LRIF1: variants seen among roughly 807,000 people sequenced by gnomAD.
The protein encoded by LRIF1 is ligand dependent nuclear receptor interacting factor 1.
Under a neutral mutation model 52.7 loss-of-function variants are expected in LRIF1, and 32 were observed. That is an observed-to-expected ratio of 0.61 (90% confidence interval 0.46 to 0.82). LRIF1 has a LOEUF of 0.82. LRIF1 is among the 40% of genes least tolerant of loss of function. LRIF1 has a pLI of 0.00. For synonymous variants in LRIF1, 323 were observed against 317.4 expected (o/e 1.02, Z -0.19); for missense variants, 887 against 892.0 (o/e 0.99, Z 0.07).
the LRIF1 span, among the ~76,000 whole-genome samples, chr1:110,933,482 C>T: frequency 6.6e-6 from 1 of 152,142 alleles, no homozygotes. Context: ...TCCCCAAACC[C>T]CCCAACAGCA....
At chr1:110,899,400 G>A in the LRIF1 span, 7 of 497,622 alleles carry the variant, frequency 1.4e-5, no homozygotes, top group Admixed American at 3.7e-5. Context: ...ACTCACTGAC[G>A]GCAGCAGCCA....
At chr1:110,946,945 C>T (rs1025537008), downstream of LRIF1, among the ~76,000 whole-genome samples, 1 of 152,164 alleles carries the variant, frequency 6.6e-6, no homozygotes. Flanking sequence ...ATGTGAGCCA[C>T]TGCACCCGGC....
chr1:110,940,682 C>T, the LRIF1 span: 2 of 152,244 alleles, frequency 1.3e-5, no homozygotes, highest in South Asian at 4.1e-4. Context: ...TTTGCAACAA[C>T]ATGGATGGAA....
intron 1 of LRIF1, among the ~76,000 whole-genome samples, chr1:110,956,687 T>A (rs541231188): frequency 6.6e-6 from 1 of 152,208 alleles, no homozygotes; most frequent in South Asian, 2.1e-4. Context: ...GGGGAAAAGA[T>A]CTCTGTAATA....
At chr1:110,924,945 C>T in the LRIF1 span, among the ~76,000 whole-genome samples, 1 of 152,132 alleles carries the variant, frequency 6.6e-6, no homozygotes, top group Admixed American at 6.6e-5. Context: ...ATATGATCAT[C>T]TCAACAGATG....
chr1:110,925,827 T>C, the LRIF1 span, among the ~76,000 whole-genome samples: 1 of 152,124 alleles, frequency 6.6e-6, no homozygotes. Context: ...GCAAGGTTAT[T>C]GGGTACATAG....
the LRIF1 span, chr1:110,896,506 T>A: frequency 2.9e-6 from 2 of 678,520 alleles, no homozygotes; most frequent in African/African-American, 3.6e-5. Context: ...GAAAGCACTT[T>A]GTTTTAAGGA....
chr1:110,906,829 T>C, the LRIF1 span, among the ~76,000 whole-genome samples: 1 of 152,294 alleles, frequency 6.6e-6, no homozygotes, highest in South Asian at 2.1e-4. Flanking sequence ...AAGCTGATTC[T>C]AAAATTTACA....
At chr1:110,958,789 G>A (rs555232322) in intron 1 of LRIF1, among the ~76,000 whole-genome samples, 2 of 152,164 alleles carry the variant, frequency 1.3e-5, no homozygotes, top group South Asian at 4.1e-4. Context: ...TATATACTCC[G>A]CATCTAATTC....
At chr1:110,885,437 C>G in the LRIF1 span, among the ~76,000 whole-genome samples, 1 of 152,154 alleles carries the variant, frequency 6.6e-6, no homozygotes, top group South Asian at 2.1e-4. Context: ...ACTCGGGAGG[C>G]TGAGGCAGGA....
chr1:110,876,011 T>C, the LRIF1 span, among the ~76,000 whole-genome samples: 1 of 152,206 alleles, frequency 6.6e-6, no homozygotes, highest in Non-Finnish European at 1.5e-5. Flanking sequence ...CCAAGAATTA[T>C]TGTAAAAGAA....
the LRIF1 span, among the ~76,000 whole-genome samples, chr1:110,931,967 T>C: frequency 0.013 from 2,036 of 152,366 alleles, 24 homozygotes; most frequent in Non-Finnish European, 0.022. Context: ...TCTTTTGCTG[T>C]GCAGAAGCTC....
At chr1:110,943,286 T>C (rs577780482), downstream of LRIF1, among the ~76,000 whole-genome samples, 1 of 152,064 alleles carries the variant, frequency 6.6e-6, no homozygotes, top group Non-Finnish European at 1.5e-5. Flanking sequence ...AGAATAAAGT[T>C]AAGTAAGAGA....
chr1:110,891,404 A>T, the LRIF1 span: 4 of 1,612,014 alleles, frequency 2.5e-6, no homozygotes, highest in Non-Finnish European at 3.4e-6. Context: ...CAAGAATATC[A>T]CGGCATGGGC....
intron 1 of LRIF1, among the ~76,000 whole-genome samples, chr1:110,956,417 AAC>A (rs2101116920): frequency 6.6e-6 from 1 of 152,366 alleles, no homozygotes; most frequent in East Asian, 1.9e-4. Flanking sequence ...ATTAAAATGA[AAC>A]AGAGTCTAAA....
the LRIF1 span, among the ~76,000 whole-genome samples, chr1:110,908,607 T>C: frequency 6.6e-6 from 1 of 152,118 alleles, no homozygotes; most frequent in South Asian, 2.1e-4. Context: ...ATTGGAAGCA[T>C]TAATATCAGA....
the LRIF1 span, among the ~76,000 whole-genome samples, chr1:110,912,218 T>C: frequency 1.3e-5 from 2 of 151,780 alleles, no homozygotes; most frequent in African/African-American, 4.9e-5. Flanking sequence ...CCTTTACTTA[T>C]TTATTTTTTT....
chr1:110,913,662 G>C, the LRIF1 span, among the ~76,000 whole-genome samples: 1 of 152,228 alleles, frequency 6.6e-6, no homozygotes, highest in Non-Finnish European at 1.5e-5. Context: ...TGAAGTTGTA[G>C]AGAAAAGGGA....
chr1:110,896,840 G>T, the LRIF1 span: 7 of 941,442 alleles, frequency 7.4e-6, no homozygotes, highest in Non-Finnish European at 1.1e-5. Flanking sequence ...AGAAACAGGG[G>T]ACCTTGAATA....
Sources: gnomAD v4.1 joint callset for allele counts (sites outside exome capture counted in the v4.1 genomes callset) on GRCh38, gnomAD v4.1.1 for gene constraint, MANE v1.5 for transcripts, NCBI Gene and HGNC (gene_info 2026-07-23, HGNC 2026-07-21) for gene names.